DCLRE1A: variants seen among roughly 807,000 people sequenced by gnomAD.
The protein encoded by DCLRE1A is DNA cross-link repair 1A, also known as DNA cross-link repair 1A protein.
DCLRE1A carries 64 observed loss-of-function variants against 91.9 expected under a neutral mutation model. The observed-to-expected ratio is 0.70, with a 90% CI of 0.57 to 0.86. The LOEUF is 0.86. DCLRE1A is among the 40% of genes least tolerant of loss of function. DCLRE1A has a pLI of 0.00. For missense variants in DCLRE1A, 1,145 were observed against 1,213.3 expected (o/e 0.94, Z 0.84); for synonymous variants, 416 against 431.1 (o/e 0.96, Z 0.43).
chr10:113,843,023 TAC>T (rs10527278), intron 5 of DCLRE1A, among the ~76,000 whole-genome samples: 23,245 of 145,668 alleles, frequency 0.16, 1,841 homozygotes, highest in African/African-American at 0.18. Context: ...TGTACATGTG[TAC>T]ACACACACAC....
Position 113,841,447 on chromosome 10 carries a change from A to G in DCLRE1A, c.2779T>C (p.Ser927Pro), listed in dbSNP as rs764722229. 6.2e-7 allele frequency: 1 copy of G among 1,613,644 alleles called. No individual in the cohort carries two copies. The highest frequency in any genetic ancestry group is 1.1e-5 in the South Asian group (1 of 90,982). ...ATCATTGGGAGAAGGTGAACCAATG[A>G]ACTGCACATGTCGGTAGTGATGAGT... ...NSLITTDMCSSLVHLLPMMQI... is the reference protein window; with the variant it reads ...NSLITTDMCSPLVHLLPMMQI... Residue 927 changes from serine to proline, a missense_variant, in exon 7 of 9, where the codon TCA (serine) becomes CCA (proline). Coordinates refer to ENST00000361384, the MANE Select transcript of DCLRE1A (RefSeq NM_014881.5).
At position 113,835,241 on chromosome 10, in the gene DCLRE1A, T is replaced by C; in HGVS notation, c.3034A>G (p.Ile1012Val). Residue 1012 changes from isoleucine to valine, a missense_variant, in exon 9 of 9, where the codon ATC becomes GTC. By Grantham distance (29) the Ile-to-Val change is conservative (BLOSUM62 3). Transcript: ENST00000361384. ...GTGCCCACATTTACAGTAGGTATGA[T>C]TTTCTGGGGCTTCAGCCACTGGACA... ...RFVQWLKPQK[I>V]IPTVNVGTWK... 6.2e-7 allele frequency: 1 copy of C among 1,614,150 alleles called. No homozygotes were observed. The highest frequency in any genetic ancestry group is 8.5e-7 in the Non-Finnish European group (1 of 1,180,012).
chr10:113,835,395 C>T (rs1417214020), intron 8 of DCLRE1A, 83 bp from the exon 9 acceptor site: 5 of 1,393,904 alleles, frequency 3.6e-6, no homozygotes, highest in Admixed American at 5.8e-5. Context: ...TAGAATAAAA[C>T]AAAAGAGAAA....
At chr10:113,848,871 C>A in intron 2 of DCLRE1A, 109 bp downstream of exon 2, 1 of 1,033,800 alleles carries the variant, frequency 9.7e-7, no homozygotes. Context: ...GCAAAGGAAA[C>A]ACATACAAAA....
At chr10:113,844,621 A>T (rs907230535) in intron 4 of DCLRE1A, among the ~76,000 whole-genome samples, 1 of 152,024 alleles carries the variant, frequency 6.6e-6, no homozygotes, top group African/African-American at 2.4e-5. Context: ...TATGGTGAAA[A>T]CCCCATAAAG....
intron 3 of DCLRE1A, 60 bp downstream of exon 3, chr10:113,847,142 C>CA (rs1589525769): frequency 7.1e-7 from 1 of 1,414,870 alleles, no homozygotes; most frequent in Non-Finnish European, 9.5e-7. Context: ...ATTTTTTAAC[C>CA]AAATTGCTTA....
Position 113,853,106 on chromosome 10 carries a change from T to A in DCLRE1A, c.77A>T (p.Asn26Ile). 2 of 1,607,042 alleles carry A rather than the reference T, an allele frequency of 1.2e-6. No individual in the cohort carries two copies. The highest frequency in any genetic ancestry group is 1.7e-6 in the Non-Finnish European group (2 of 1,178,460). Residue 26 changes from asparagine to isoleucine, a missense_variant, in exon 1 of 9, where the codon AAT (asparagine) becomes ATT (isoleucine). Physicochemically the swap from Asn to Ile is moderately radical, Grantham distance 149 (BLOSUM62 -3). Transcript: ENST00000361384. ...KRKPKRVDPN[N>I]GSKNILKSVE... ...AGATTTTAGAATATTTTTAGAGCCA[T>A]TATTTGGATCAACTCGTTTTGGTTT...
intron 2 of DCLRE1A, 26 bp from the exon 3 acceptor site, chr10:113,847,361 G>A: frequency 1.2e-6 from 2 of 1,611,532 alleles, no homozygotes; most frequent in African/African-American, 1.3e-5. Context: ...CGACACAGTA[G>A]GTTGAGCAAG....
At position 113,842,395 on chromosome 10, in the gene DCLRE1A, A is replaced by G. The variant is rs1355522079; in HGVS notation, c.2613T>C (p.His871=). 3.1e-6 allele frequency: 5 copies of G among 1,613,856 alleles called. No individual in the cohort carries two copies. Among genetic ancestry groups the G allele is most frequent in the Non-Finnish European group, 4.2e-6 (5 of 1,179,868 alleles). Residue 871 remains histidine, a synonymous_variant, in exon 6 of 9, where the codon CAT becomes CAC. Coordinates refer to ENST00000361384, the MANE Select transcript of DCLRE1A (RefSeq NM_014881.5). ...AGTAAGTGCCACAGACAACAAGAGC[A>G]TGTGGGTTTAGAGTTACAGCCTCAA... ...TAFEAVTLNP[H]ALVVCGTYSI...
chr10:113,837,101 C>T lies in DCLRE1A; in HGVS notation c.2923G>A (p.Asp975Asn), dbSNP rs1415344666. The change falls in exon 8 of 9, where the codon GAT becomes AAT. Residue 975 changes from aspartate (D) to asparagine (N), a missense_variant. Asp to Asn is a conservative substitution (Grantham distance 23). Transcript: ENST00000361384. ...TTTCCTTTGGTCTGGGGAATAACATCTGCTATTCTAGTGAACTTGTTAGAG... is the reference window on the plus strand; with the variant it reads ...TTTCCTTTGGTCTGGGGAATAACATTTGCTATTCTAGTGAACTTGTTAGAG... ...THSNKFTRIA[D>N]VIPQTKGNIS... 2 of 1,612,268 alleles carry T rather than the reference C, an allele frequency of 1.2e-6. No homozygotes were observed. The highest frequency in any genetic ancestry group is 1.7e-6 in the Non-Finnish European group (2 of 1,179,184).
In DCLRE1A at chr10:113,841,506, G is replaced by A; in HGVS notation, c.2720C>T (p.Thr907Ile). The change falls in exon 7 of 9, where the codon ACT (threonine) becomes ATT (isoleucine). Residue 907 changes from threonine to isoleucine, a missense_variant. Coordinates refer to ENST00000361384, the MANE Select transcript of DCLRE1A (RefSeq NM_014881.5). ...KVGMSQEKYK[T>I]LQCLNIPEIN... ...TTCTGGTATATTGAGGCACTGTAGA[G>A]TTTTATATTTTTCCTGGGACATGCC... 1.9e-6 allele frequency: 3 copies of A among 1,613,154 alleles called. No individual in the cohort carries two copies. The highest frequency in any genetic ancestry group is 2.5e-6 in the Non-Finnish European group (3 of 1,179,574).
At position 113,834,941 on chromosome 10, in the gene DCLRE1A, C is replaced by T. The variant is rs1387603614; in HGVS notation, c.*211G>A. 7.6e-5 allele frequency: 38 copies of T among 498,712 alleles called. 1 individual carries two copies. In the South Asian group the frequency reaches 1.1e-3, roughly 15 times the overall value. 30.9% of individuals were successfully genotyped at this position (498,712 alleles called of 1,614,324 possible). On this transcript the variant is annotated 3_prime_UTR_variant, in exon 9 of 9. Transcript: ENST00000361384. ...GGGCAGGGGACAAGAAATTAAGGGTCCCAGGGAGACCCAGTTTCAGTTATC... is the reference window on the plus strand; with the variant it reads ...GGGCAGGGGACAAGAAATTAAGGGTTCCAGGGAGACCCAGTTTCAGTTATC...
chr10:113,852,358 A>G (rs1845665685), intron 1 of DCLRE1A, among the ~76,000 whole-genome samples: 1 of 152,230 alleles, frequency 6.6e-6, no homozygotes, highest in Non-Finnish European at 1.5e-5. Flanking sequence ...AACCAATTGG[A>G]CAAGTTATCT....
intron 7 of DCLRE1A, among the ~76,000 whole-genome samples, chr10:113,838,221 C>T (rs17235248): frequency 6.6e-6 from 1 of 152,154 alleles, no homozygotes; most frequent in Non-Finnish European, 1.5e-5. Context: ...GCCTTGCTTA[C>T]TCTAGGACCT....
rs376311307 is a variant in DCLRE1A at position 113,850,096 on chromosome 10, C to T, written c.1009G>A (p.Asp337Asn). The T allele has an allele frequency of 1.2e-5, 20 of 1,613,776 alleles. No homozygotes were observed. In the African/African-American group the frequency reaches 2.1e-4, roughly 17 times the overall value. The change falls in exon 2 of 9, where the codon GAT becomes AAT. Residue 337 changes from aspartate (D) to asparagine (N), a missense_variant. Coordinates refer to ENST00000361384, the MANE Select transcript of DCLRE1A (RefSeq NM_014881.5). ...TTAAAAAAACCACAGCTGTCATCAT[C>T]TTCTTCGAGGCTGCCATCTTTTGAG... ...ESSKDGSLEE[D>N]DDSCGFFKKR...
Position 113,849,867 on chromosome 10 carries a change from G to A in DCLRE1A, c.1238C>T (p.Ala413Val). 2 of 1,613,954 alleles carry A rather than the reference G, an allele frequency of 1.2e-6. No individual in the cohort carries two copies. Among genetic ancestry groups the A allele is most frequent in the Non-Finnish European group, 1.7e-6 (2 of 1,180,032 alleles). The stretch of plus-strand genomic sequence containing the variant: ...AGAAGCAGCAAGCTTCCCTGCCAAT[G>A]CAGGTGGAAACAACACAAAATCACC... ...TGGDFVLFPP[A>V]LAGKLAASVH... The change falls in exon 2 of 9, where the codon GCA becomes GTA. Residue 413 changes from alanine (A) to valine (V), a missense_variant. Transcript: ENST00000361384.
Position 113,841,552 on chromosome 10 carries a change from C to T in DCLRE1A, c.2674G>A (p.Asp892Asn). The T allele has an allele frequency of 6.2e-7, 1 of 1,605,748 alleles. No homozygotes were observed. Among genetic ancestry groups the T allele is most frequent in the Non-Finnish European group, 8.5e-7 (1 of 1,177,156 alleles). Residue 892 changes from aspartate to asparagine, a missense_variant, in exon 7 of 9, where the codon GAT (aspartate) becomes AAT (asparagine). By Grantham distance (23) the Asp-to-Asn change is conservative (BLOSUM62 1). Coordinates refer to ENST00000361384, the MANE Select transcript of DCLRE1A (RefSeq NM_014881.5). The stretch of plus-strand genomic sequence containing the variant: ...ATGCCCACTTTTGAACCTAAAACAT[C>T]AGCAATGGCTATGGGCAAAAGAAAA... Reference protein sequence around the residue: ...GKEKVFLAIADVLGSKVGMSQ... With the variant: ...GKEKVFLAIANVLGSKVGMSQ...
In DCLRE1A at chr10:113,848,768, T is replaced by A. The variant is rs183612925; in HGVS notation, c.2125+212A>T. 2.6e-5 allele frequency among the ~76,000 whole-genome samples: 4 copies of A among 152,264 alleles called. No homozygotes were observed. The East Asian group carries it at 7.7e-4, about 29-fold the overall frequency. ...AGTATAGTCACTTACATAGAGGGCATGTTTAATAGAAACTTGATGAATTGA... is the reference window on the plus strand; with the variant it reads ...AGTATAGTCACTTACATAGAGGGCAAGTTTAATAGAAACTTGATGAATTGA... On this transcript the variant is annotated intron_variant, in intron 2 of 8. Coordinates refer to ENST00000361384, the MANE Select transcript of DCLRE1A (RefSeq NM_014881.5).
In DCLRE1A at chr10:113,849,659, G is replaced by A. The variant is rs1239585045; in HGVS notation, c.1446C>T (p.Thr482=). 1 of 1,614,082 alleles carries A rather than the reference G, an allele frequency of 6.2e-7. No individual in the cohort carries two copies. Among genetic ancestry groups the A allele is most frequent in the South Asian group, 1.1e-5 (1 of 91,070 alleles). The change falls in exon 2 of 9, where the codon ACC becomes ACT. Residue 482 remains threonine, a synonymous_variant. Transcript: ENST00000361384. ...TTGATAATTTTCTAATTGTATTTTG[G>A]GTTGGTTGGGAAGAAAGATACCCTT... ...QVEGYLSSQP[T]QNTIRKLSSE...
Sources: allele counts gnomAD v4.1 joint callset (sites outside exome capture counted in the v4.1 genomes callset), GRCh38; gene constraint gnomAD v4.1.1; transcripts MANE v1.5; gene names NCBI Gene and HGNC (gene_info 2026-07-23, HGNC 2026-07-21).